The following FGF12 variants were observed in gnomAD, a reference collection of about 807,000 sequenced individuals.
The protein encoded by FGF12 is fibroblast growth factor 12, also known as fibroblast growth factor 12B.
Under a neutral mutation model 23.6 loss-of-function variants are expected in FGF12, and 14 were observed. The observed-to-expected ratio is 0.59, with a 90% CI of 0.39 to 0.93. FGF12 has a LOEUF of 0.93. Ranked by LOEUF, FGF12 falls within the 40% of genes least tolerant of loss-of-function variation. The pLI, the probability that FGF12 is intolerant of heterozygous loss-of-function variation, is 0.00. For missense variants in FGF12, 175 were observed against 217.8 expected (o/e 0.80, Z 1.24); for synonymous variants, 62 against 77.3 (o/e 0.80, Z 1.04).
chr3:192,465,045 C>T (rs1037336112), intron 2 of FGF12, among the ~76,000 whole-genome samples: 2 of 152,154 alleles, frequency 1.3e-5, no homozygotes, highest in African/African-American at 4.8e-5. Flanking sequence ...TTCAATTTAA[C>T]ATTATATAAT....
At chr3:192,688,359 C>A (rs902564081) in intron 2 of FGF12, among the ~76,000 whole-genome samples, 2 of 152,048 alleles carry the variant, frequency 1.3e-5, no homozygotes, top group Non-Finnish European at 1.5e-5. Flanking sequence ...ATAACCACCC[C>A]CCAACCTCTG....
At chr3:192,623,946 G>A (rs1357381136) in intron 2 of FGF12, among the ~76,000 whole-genome samples, 1 of 152,128 alleles carries the variant, frequency 6.6e-6, no homozygotes, top group African/African-American at 2.4e-5. Flanking sequence ...AAACATGCTC[G>A]ACTGTATAAT....
chr3:192,364,173 T>C (rs1213085868), intron 2 of FGF12, among the ~76,000 whole-genome samples: 1 of 152,168 alleles, frequency 6.6e-6, no homozygotes, highest in African/African-American at 2.4e-5. Context: ...ATAGACAGAA[T>C]AGAGAAAAGG....
chr3:192,221,221 C>T (rs1213696246), intron 4 of FGF12, among the ~76,000 whole-genome samples: 1 of 152,206 alleles, frequency 6.6e-6, no homozygotes, highest in Non-Finnish European at 1.5e-5. Context: ...AACCCACACA[C>T]ACATTCATAC....
At chr3:192,508,413 A>T (rs1317614151) in intron 2 of FGF12, among the ~76,000 whole-genome samples, 2 of 152,250 alleles carry the variant, frequency 1.3e-5, no homozygotes, top group Non-Finnish European at 2.9e-5. Context: ...GACAAAGAAC[A>T]ATAATTCCAT....
At chr3:192,591,083 G>A (rs773748699) in intron 2 of FGF12, among the ~76,000 whole-genome samples, 1 of 151,290 alleles carries the variant, frequency 6.6e-6, no homozygotes, top group Non-Finnish European at 1.5e-5. Flanking sequence ...TTGCTATCTC[G>A]TATTGGAAAC....
At chr3:192,300,822 C>T (rs371410147) in intron 4 of FGF12, among the ~76,000 whole-genome samples, 1 of 151,788 alleles carries the variant, frequency 6.6e-6, no homozygotes, top group African/African-American at 2.4e-5. Context: ...TTTGAGACCA[C>T]CCTGGACAAC....
intron 2 of FGF12, among the ~76,000 whole-genome samples, chr3:192,681,392 G>A (rs369917030): frequency 1.5e-4 from 23 of 152,306 alleles, no homozygotes; most frequent in Non-Finnish European, 3.1e-4. Context: ...GAGTGACTGA[G>A]GAGAAGACAA....
intron 2 of FGF12, among the ~76,000 whole-genome samples, chr3:192,495,649 C>A (rs565783877): frequency 2.9e-4 from 44 of 152,210 alleles, no homozygotes; most frequent in South Asian, 1.2e-3. Flanking sequence ...GTAACCTAGG[C>A]CTTTGTATTC....
At chr3:192,265,252 G>C (rs1468427794) in intron 4 of FGF12, 2 of 152,076 alleles carry the variant, frequency 1.3e-5, no homozygotes, top group Admixed American at 6.6e-5. Context: ...TTCAGCAGAT[G>C]CATCTGTGTA....
In FGF12 at chr3:192,336,014, T is replaced by G. The variant is rs1458409531; in HGVS notation, c.125-550A>C. Among the ~76,000 whole-genome samples the G allele has an allele frequency of 6.6e-6, 1 of 151,856 alleles. No individual in the cohort carries two copies. The highest frequency in any genetic ancestry group is 6.6e-5 in the Admixed American group (1 of 15,208). On this transcript the variant is annotated intron_variant, in intron 3 of 5. Coordinates refer to ENST00000445105, the MANE Select transcript of FGF12 (RefSeq NM_004113.6). The surrounding 1 kb of genome is among the most constrained non-coding windows in gnomAD (Gnocchi z 4.3). ...AAAACTTTTTTCTTGATATCTCAATTTTTTACATGTAAATAAACAGAGATA... is the reference window on the plus strand; with the variant it reads ...AAAACTTTTTTCTTGATATCTCAATGTTTTACATGTAAATAAACAGAGATA...
intron 2 of FGF12, among the ~76,000 whole-genome samples, chr3:192,588,666 C>T (rs1281822975): frequency 6.6e-6 from 1 of 151,880 alleles, no homozygotes; most frequent in African/African-American, 2.4e-5. Context: ...ATTATTCCTA[C>T]TTTATACATG....
At chr3:192,519,541 T>G (rs1193315851) in intron 2 of FGF12, among the ~76,000 whole-genome samples, 1 of 147,672 alleles carries the variant, frequency 6.8e-6, no homozygotes, top group Non-Finnish European at 1.5e-5. Flanking sequence ...TAAAGTTACA[T>G]TTTTTTCATT....
intron 2 of FGF12, among the ~76,000 whole-genome samples, chr3:192,591,179 C>T (rs1400173836): frequency 1.3e-5 from 2 of 151,260 alleles, no homozygotes; most frequent in South Asian, 2.1e-4. Context: ...TAGGCACAGT[C>T]GGACCAAAGC....
intron 4 of FGF12, among the ~76,000 whole-genome samples, chr3:192,249,624 G>A (rs1406979555): frequency 2.0e-5 from 3 of 151,926 alleles, no homozygotes; most frequent in African/African-American, 7.3e-5. Flanking sequence ...AACATTGATT[G>A]TTTTCCATGG....
intron 5 of FGF12, among the ~76,000 whole-genome samples, chr3:192,165,895 T>C (rs766151484): frequency 2.0e-5 from 3 of 152,158 alleles, no homozygotes; most frequent in Non-Finnish European, 4.4e-5. Flanking sequence ...CTTGGACTGG[T>C]TACTTAGTTA....
At chr3:192,517,786 T>G (rs1194630845) in intron 2 of FGF12, among the ~76,000 whole-genome samples, 1 of 152,228 alleles carries the variant, frequency 6.6e-6, no homozygotes, top group Non-Finnish European at 1.5e-5. Flanking sequence ...CAGTTTTTTA[T>G]TTTTTAAAAA....
At chr3:192,509,735 T>C (rs9870817) in intron 2 of FGF12, among the ~76,000 whole-genome samples, 1,666 of 152,290 alleles carry the variant, frequency 0.011, 26 homozygotes, top group African/African-American at 0.036. Flanking sequence ...AACCTCATAA[T>C]TTGGTATGCT....
rs10212359 is a variant in FGF12 at position 192,462,990 on chromosome 3, G to A, written c.14-102452C>T. On this transcript the variant is annotated intron_variant, in intron 2 of 5. Transcript: ENST00000445105. ...GATATGAAACCATGCTCATGCTATT[G>A]TGTCAAGTGAAAAGAGCAAGCTGGA... is the stretch of plus-strand genomic sequence containing the variant. Among the ~76,000 whole-genome samples the A allele has an allele frequency of 8.8e-3, 1,340 of 152,226 alleles. 17 individuals carry two copies. The highest frequency in any genetic ancestry group is 0.03 in the African/African-American group (1,229 of 41,528).
Sources: allele counts gnomAD v4.1 joint callset (sites outside exome capture counted in the v4.1 genomes callset), GRCh38; gene constraint gnomAD v4.1.1; non-coding constraint Gnocchi (gnomAD v3.1); transcripts MANE v1.5; gene names NCBI Gene and HGNC (gene_info 2026-07-23, HGNC 2026-07-21).